CDYL2: variants seen among roughly 807,000 people sequenced by gnomAD.
CDYL2 encodes the protein chromodomain Y-like protein 2.
Under a neutral mutation model 49.4 loss-of-function variants are expected in CDYL2, and 23 were observed. That is an observed-to-expected ratio of 0.47 (90% CI 0.34 to 0.66). The LOEUF (loss-of-function observed/expected upper bound fraction) is 0.66. CDYL2 is among the 30% of genes least tolerant of loss of function. The pLI, the probability that CDYL2 is intolerant of heterozygous loss-of-function variation, is 0.01. For synonymous variants in CDYL2, 360 were observed against 268.8 expected (o/e 1.34, Z -3.32); for missense variants, 678 against 656.4 (o/e 1.03, Z -0.36).
intron 3 of CDYL2, among the ~76,000 whole-genome samples, chr16:80,626,716 A>C (rs1287720490): frequency 6.6e-6 from 1 of 152,240 alleles, no homozygotes; most frequent in Non-Finnish European, 1.5e-5. Context: ...CCAAAGGATC[A>C]CTATTAAAGA....
intron 1 of CDYL2, among the ~76,000 whole-genome samples, chr16:80,799,139 G>A (rs933216054): frequency 6.6e-6 from 1 of 151,890 alleles, no homozygotes; most frequent in Non-Finnish European, 1.5e-5. Flanking sequence ...AACAAACCCA[G>A]TCCTACTTTT....
intron 2 of CDYL2, among the ~76,000 whole-genome samples, chr16:80,661,363 C>A (rs1052828061): frequency 6.6e-6 from 1 of 152,186 alleles, no homozygotes; most frequent in East Asian, 1.9e-4. Flanking sequence ...AATGGAGACT[C>A]CAAGTGTCAC....
At position 80,600,380 on chromosome 16, in the gene CDYL2, TAA is replaced by T. The variant is rs1260757448; in HGVS notation, c.*4006_*4007del. 3 of 152,178 alleles carry T rather than the reference TAA, an allele frequency of 2.0e-5. No homozygotes were observed. The highest frequency in any genetic ancestry group is 4.4e-5 in the Non-Finnish European group (3 of 68,024). The allele number at this position is 152,178 out of a possible 1,614,324, so 9.4% of individuals were successfully genotyped here. A position where few individuals can be genotyped will look rare whatever the true frequency, so the allele number is the denominator to read the frequency against. ...TATATTTTGAAAATATATACTGTAT[TAA>T]AGTCTGTAAGCATTTCAACCAAAAT... On this transcript the variant is annotated 3_prime_UTR_variant, in exon 7 of 7. Transcript: ENST00000570137.
At chr16:80,632,216 A>T (rs937291744) in intron 3 of CDYL2, among the ~76,000 whole-genome samples, 2 of 152,270 alleles carry the variant, frequency 1.3e-5, no homozygotes, top group African/African-American at 4.8e-5. Flanking sequence ...CTATTCATAC[A>T]ATGGAATATT....
chr16:80,702,096 C>T (rs1253431740), intron 1 of CDYL2, among the ~76,000 whole-genome samples: 1 of 151,806 alleles, frequency 6.6e-6, no homozygotes, highest in Non-Finnish European at 1.5e-5. Flanking sequence ...GAGTGAGAAA[C>T]AAACCCCCAC....
At chr16:80,764,752 T>C (rs922824192) in intron 1 of CDYL2, among the ~76,000 whole-genome samples, 2 of 151,938 alleles carry the variant, frequency 1.3e-5, no homozygotes, top group East Asian at 1.9e-4. Context: ...TGACTGATAA[T>C]ATGGAATAGA....
chr16:80,708,785 A>C lies in CDYL2; in HGVS notation c.25-23656T>G, dbSNP rs140501672. Reference sequence around the variant, plus strand: ...TGTACTTATATGTAGAAAGTACTAGAAGCTTATTGTGTAGTTCAGGTTGTT... The same window carrying C: ...TGTACTTATATGTAGAAAGTACTAGCAGCTTATTGTGTAGTTCAGGTTGTT... On this transcript the variant is annotated intron_variant, in intron 1 of 6. Transcript: ENST00000570137. 5.8e-3 allele frequency among the ~76,000 whole-genome samples: 890 copies of C among 152,336 alleles called. 6 individuals are homozygous for C. Among genetic ancestry groups the C allele is most frequent in the Middle Eastern group, 0.017 (5 of 294 alleles).
At position 80,761,428 on chromosome 16, in the gene CDYL2, G is replaced by A. The variant is rs141281943; in HGVS notation, c.24+42722C>T. Among the ~76,000 whole-genome samples, 68 of 152,348 alleles carry A rather than the reference G, an allele frequency of 4.5e-4. No individual in the cohort carries two copies. The Middle Eastern group carries it at 0.01, about 23-fold the overall frequency. On this transcript the variant is annotated intron_variant, in intron 1 of 6. Coordinates refer to ENST00000570137, the MANE Select transcript of CDYL2 (RefSeq NM_152342.4). ...ATTATAACACACCCAGAGCTTAGTA[G>A]AGAGCTTGACGTCTAGTAAAAGTGC...
intron 1 of CDYL2, among the ~76,000 whole-genome samples, chr16:80,761,988 C>G (rs1345237674): frequency 3.3e-5 from 5 of 151,334 alleles, no homozygotes; most frequent in Admixed American, 2.0e-4. Flanking sequence ...GAGGTCAAGA[C>G]TAGCCCAGGC....
chr16:80,640,813 G>A (rs1253747409), intron 2 of CDYL2, among the ~76,000 whole-genome samples: 1 of 152,176 alleles, frequency 6.6e-6, no homozygotes, highest in Non-Finnish European at 1.5e-5. Context: ...GCATAGTGAA[G>A]AATGCAGCAG....
intron 3 of CDYL2, among the ~76,000 whole-genome samples, chr16:80,627,102 C>G (rs1473869493): frequency 2.0e-5 from 3 of 152,124 alleles, no homozygotes; most frequent in African/African-American, 7.2e-5. Context: ...AATTGAGAAT[C>G]TCCAGCCCTG....
At chr16:80,796,061 A>T (rs1907761143) in intron 1 of CDYL2, among the ~76,000 whole-genome samples, 1 of 152,230 alleles carries the variant, frequency 6.6e-6, no homozygotes, top group African/African-American at 2.4e-5. Context: ...GAATATATAC[A>T]TTAAGAGATT....
chr16:80,725,152 C>T (rs1164380063), intron 1 of CDYL2, among the ~76,000 whole-genome samples: 1 of 151,012 alleles, frequency 6.6e-6, no homozygotes, highest in East Asian at 1.9e-4. Flanking sequence ...ACTCTGAACT[C>T]CCATACACCT....
At position 80,804,235 on chromosome 16, in the gene CDYL2, G is replaced by A; in HGVS notation, c.-62C>T. ...CTGCTCGCTCGCGCCCTCCGTGCGT[G>A]TGCGCGCGGGGTCCGGTGTGCGCGT... is the stretch of plus-strand genomic sequence containing the variant. On this transcript the variant is annotated 5_prime_UTR_variant, in exon 1 of 7. Coordinates refer to ENST00000570137, the MANE Select transcript of CDYL2 (RefSeq NM_152342.4). 2.3e-6 allele frequency: 3 copies of A among 1,318,404 alleles called. No homozygotes were observed. The highest frequency in any genetic ancestry group is 2.0e-6 in the Non-Finnish European group (2 of 1,004,682). The allele number at this position is 1,318,404 out of a possible 1,614,324, so 81.7% of individuals were successfully genotyped here.
intron 1 of CDYL2, among the ~76,000 whole-genome samples, chr16:80,802,522 C>T (rs776200566): frequency 6.6e-6 from 1 of 152,158 alleles, no homozygotes; most frequent in East Asian, 1.9e-4. Flanking sequence ...CCACATTTGC[C>T]GAAGTTCTTC....
intron 1 of CDYL2, among the ~76,000 whole-genome samples, chr16:80,709,155 G>A (rs1454528096): frequency 2.0e-5 from 3 of 152,112 alleles, no homozygotes; most frequent in Non-Finnish European, 4.4e-5. Flanking sequence ...AGGCCGAGGT[G>A]GGCAGATCAC....
At chr16:80,795,152 C>T (rs892942888) in intron 1 of CDYL2, among the ~76,000 whole-genome samples, 1 of 152,080 alleles carries the variant, frequency 6.6e-6, no homozygotes, top group African/African-American at 2.4e-5. Flanking sequence ...GAGAAAAGTT[C>T]CCTGATCAAG....
chr16:80,804,235 G>C lies in CDYL2; in HGVS notation c.-62C>G. 7.6e-7 allele frequency: 1 copy of C among 1,318,408 alleles called. No homozygotes were observed. Among genetic ancestry groups the C allele is most frequent in the Non-Finnish European group, 1.0e-6 (1 of 1,004,682 alleles). 81.7% of individuals were successfully genotyped at this position (1,318,408 alleles called of 1,614,324 possible). A position where few individuals can be genotyped will look rare whatever the true frequency, so the allele number is the denominator to read the frequency against. On this transcript the variant is annotated 5_prime_UTR_variant, in exon 1 of 7. Coordinates refer to ENST00000570137, the MANE Select transcript of CDYL2 (RefSeq NM_152342.4). ...CTGCTCGCTCGCGCCCTCCGTGCGT[G>C]TGCGCGCGGGGTCCGGTGTGCGCGT... is the stretch of plus-strand genomic sequence containing the variant.
intron 2 of CDYL2, among the ~76,000 whole-genome samples, chr16:80,650,269 T>C (rs10871391): frequency 0.46 from 70,207 of 151,948 alleles, 17,253 homozygotes; most frequent in African/African-American, 0.61. Flanking sequence ...AACAACTCTA[T>C]TGGAAAAAAA....
Sources: allele counts gnomAD v4.1 joint callset (sites outside exome capture counted in the v4.1 genomes callset), GRCh38; gene constraint gnomAD v4.1.1; transcripts MANE v1.5; gene names NCBI Gene and HGNC (gene_info 2026-07-23, HGNC 2026-07-21).